The following CSNK2A1 variants were observed in gnomAD, a reference collection of about 807,000 sequenced individuals.
CSNK2A1 encodes casein kinase 2 alpha 1, also known as casein kinase II subunit alpha.
In CSNK2A1, 10 loss-of-function variants were observed where a neutral mutation model predicts 62.9. The observed-to-expected ratio is 0.16, with a 90% CI of 0.10 to 0.27. CSNK2A1 has a LOEUF of 0.27. CSNK2A1 is among the 10% of genes least tolerant of loss of function. The probability of loss-of-function intolerance (pLI) is 1.00; values close to 1 mark genes in which losing one functional copy is unlikely to be tolerated. For missense variants in CSNK2A1, 160 were observed against 492.0 expected (o/e 0.33, Z 6.38); for synonymous variants, 124 against 167.8 (o/e 0.74, Z 2.02).
chr20:519,007 T>C (rs1412033791), intron 2 of CSNK2A1, among the ~76,000 whole-genome samples: 1 of 148,670 alleles, frequency 6.7e-6, no homozygotes, highest in East Asian at 2.0e-4. Flanking sequence ...ACGATCTCAG[T>C]TCATTGCAAC....
At chr20:533,241 C>A (rs1221797080) in intron 1 of CSNK2A1, among the ~76,000 whole-genome samples, 2 of 152,192 alleles carry the variant, frequency 1.3e-5, no homozygotes, top group African/African-American at 2.4e-5. Flanking sequence ...TCAAACCCAA[C>A]AGAATATGTT....
intron 1 of CSNK2A1, among the ~76,000 whole-genome samples, chr20:530,447 A>C (rs1381675877): frequency 1.3e-5 from 2 of 151,310 alleles, no homozygotes; most frequent in Non-Finnish European, 2.9e-5. Context: ...GCATATGTGT[A>C]CAAGTTTTTC....
chr20:493,856 T>C (rs1317894086), intron 8 of CSNK2A1, among the ~76,000 whole-genome samples: 1 of 152,160 alleles, frequency 6.6e-6, no homozygotes, highest in East Asian at 1.9e-4. Flanking sequence ...GGCATATAAC[T>C]TTTTTTGAGA....
At chr20:531,688 T>C (rs1318295729) in intron 1 of CSNK2A1, among the ~76,000 whole-genome samples, 1 of 152,128 alleles carries the variant, frequency 6.6e-6, no homozygotes, top group African/African-American at 2.4e-5. Context: ...ACTTGGTGAT[T>C]TACATAAATA....
intron 9 of CSNK2A1, among the ~76,000 whole-genome samples, chr20:491,515 T>C (rs2018235057): frequency 6.6e-6 from 1 of 151,636 alleles, no homozygotes; most frequent in South Asian, 2.1e-4. Flanking sequence ...CACAAAAAAA[T>C]TAAAAATTAG....
At chr20:526,161 C>T (rs2122626937) in intron 2 of CSNK2A1, among the ~76,000 whole-genome samples, 1 of 151,602 alleles carries the variant, frequency 6.6e-6, no homozygotes, top group East Asian at 2.0e-4. Flanking sequence ...AGAGGATCCA[C>T]AATACCAATT....
chr20:485,066 CAAAAAAAAAAAAAAAAAAAAAAAAAAA>C (rs1157352244), intron 13 of CSNK2A1, among the ~76,000 whole-genome samples: 7 of 22,028 alleles, frequency 3.2e-4, no homozygotes, highest in Middle Eastern at 0.083. Context: ...ACCTTGTCTC[CAAAAAAAAAAAAAAAAAAAAAAAAAAA>C]AAAAAAAAAA....
At chr20:487,608 C>T in intron 11 of CSNK2A1, 33 bp from the exon 12 acceptor site, 1 of 1,613,528 alleles carries the variant, frequency 6.2e-7, no homozygotes, top group Non-Finnish European at 8.5e-7. Context: ...GAGAAATGGG[C>T]CACGTGGGCA....
At position 497,902 on chromosome 20, in the gene CSNK2A1, C is replaced by T. The variant is rs943532304; in HGVS notation, c.367-122G>A. The T allele has an allele frequency of 1.7e-5, 13 of 772,034 alleles. No individual in the cohort carries two copies. In the African/African-American group the frequency reaches 2.3e-4, roughly 13 times the overall value. The allele number at this position is 772,034 out of a possible 1,614,324, so 47.8% of individuals were successfully genotyped here. ...ACCGTTGTTCCAAGATCTGTCCATT[C>T]ACTGCCCTCTATTTCTCCAACATTA... On this transcript the variant is annotated intron_variant, in intron 6 of 13. Transcript: ENST00000217244.
chr20:542,324 T>A (rs1211510501), intron 1 of CSNK2A1, among the ~76,000 whole-genome samples: 1 of 152,234 alleles, frequency 6.6e-6, no homozygotes, highest in East Asian at 1.9e-4. Context: ...TAAGTAGCAA[T>A]GGCCCTGATA....
chr20:480,920 G>C lies in CSNK2A1; in HGVS notation c.*3041C>G. 6.6e-6 allele frequency: 1 copy of C among 152,146 alleles called. No individual in the cohort carries two copies. Among genetic ancestry groups the C allele is most frequent in the East Asian group, 1.9e-4 (1 of 5,196 alleles). 9.4% of individuals were successfully genotyped at this position (152,146 alleles called of 1,614,324 possible). A position where few individuals can be genotyped will look rare whatever the true frequency, so the allele number is the denominator to read the frequency against. ...TGCTACTTTAGGACTATAGTAATTAGCCATACCCTGAGGATCTACTTTACA... is the reference window on the plus strand; with the variant it reads ...TGCTACTTTAGGACTATAGTAATTACCCATACCCTGAGGATCTACTTTACA... On this transcript the variant is annotated 3_prime_UTR_variant, in exon 14 of 14. Transcript: ENST00000217244.
chr20:508,128 C>A, intron 3 of CSNK2A1: 1 of 199,874 alleles, frequency 5.0e-6, no homozygotes, highest in Non-Finnish European at 1.0e-5. Flanking sequence ...CTCTTATAAT[C>A]TTATGGAACC....
intron 1 of CSNK2A1, among the ~76,000 whole-genome samples, chr20:529,470 G>C (rs746923139): frequency 1.3e-5 from 2 of 152,126 alleles, no homozygotes; most frequent in Non-Finnish European, 2.9e-5. Flanking sequence ...TTGGTTACTT[G>C]AATGTTGCAG....
At chr20:485,160 C>G (rs1161355995) in intron 13 of CSNK2A1, among the ~76,000 whole-genome samples, 3 of 114,644 alleles carry the variant, frequency 2.6e-5, no homozygotes, top group African/African-American at 9.8e-5. Flanking sequence ...ATACATTCTT[C>G]TCCACTCCTC....
chr20:499,682 C>A lies in CSNK2A1; in HGVS notation c.315+151G>T. ...GTGGAGGTCTCTTTGAAAGAAAGAC[C>A]CAAGCTAGTTAAATGGTATATCTGA... On this transcript the variant is annotated intron_variant, in intron 5 of 13. Transcript: ENST00000217244. The surrounding 1 kb of genome is among the most constrained non-coding windows in gnomAD (Gnocchi z 4.2). 2.8e-6 allele frequency: 2 copies of A among 708,152 alleles called. No homozygotes were observed. The highest frequency in any genetic ancestry group is 4.9e-6 in the Non-Finnish European group (2 of 407,874). The allele number at this position is 708,152 out of a possible 1,614,324, so 43.9% of individuals were successfully genotyped here. A position where few individuals can be genotyped will look rare whatever the true frequency, so the allele number is the denominator to read the frequency against.
intron 1 of CSNK2A1, among the ~76,000 whole-genome samples, chr20:531,927 C>T (rs917062036): frequency 6.6e-5 from 10 of 152,196 alleles, no homozygotes; most frequent in African/African-American, 1.7e-4. Context: ...AAAATAAGAA[C>T]TTGAATTTCT....
intron 1 of CSNK2A1, among the ~76,000 whole-genome samples, chr20:535,447 T>C (rs2019297735): frequency 6.6e-6 from 1 of 152,174 alleles, no homozygotes; most frequent in Non-Finnish European, 1.5e-5. Flanking sequence ...GTAGCCATTC[T>C]ATATAATCAT....
At chr20:500,192 T>C in intron 4 of CSNK2A1, 1 of 433,844 alleles carries the variant, frequency 2.3e-6, no homozygotes, top group South Asian at 2.8e-5. Context: ...AGCATTTCAA[T>C]CATCAGTCTT....
intron 13 of CSNK2A1, among the ~76,000 whole-genome samples, chr20:485,686 T>C (rs1170389897): frequency 1.6e-4 from 24 of 152,206 alleles, no homozygotes; most frequent in Non-Finnish European, 7.3e-5. Flanking sequence ...CATTACTCTG[T>C]ACAGAGGTAG....
Sources: allele counts gnomAD v4.1 joint callset (sites outside exome capture counted in the v4.1 genomes callset), GRCh38; gene constraint gnomAD v4.1.1; non-coding constraint Gnocchi (gnomAD v3.1); transcripts MANE v1.5; gene names NCBI Gene and HGNC (gene_info 2026-07-23, HGNC 2026-07-21).